Variants in HIRA observed in about 807,000 individuals in gnomAD.
HIRA encodes the protein histone cell cycle regulator, also known as protein HIRA.
In HIRA, 13 loss-of-function variants were observed where a neutral mutation model predicts 126.6. The ratio of observed to expected loss-of-function variants is 0.10; its 90% CI spans 0.07 to 0.16. The LOEUF is 0.16. HIRA is among the 10% of genes least tolerant of loss of function. The probability of loss-of-function intolerance (pLI) is 1.00; values close to 1 mark genes in which losing one functional copy is unlikely to be tolerated. For synonymous variants in HIRA, 511 were observed against 520.0 expected (o/e 0.98, Z 0.24); for missense variants, 834 against 1,314.4 (o/e 0.63, Z 5.65).
intron 1 of HIRA, among the ~76,000 whole-genome samples, chr22:19,431,134 T>C (rs2089533587): frequency 6.6e-6 from 1 of 152,200 alleles, no homozygotes; most frequent in African/African-American, 2.4e-5. Flanking sequence ...AGGCACTGGC[T>C]GGCACCAAGG....
chr22:19,400,560 C>T (rs74490893), intron 5 of HIRA, among the ~76,000 whole-genome samples: 1 of 152,326 alleles, frequency 6.6e-6, no homozygotes, highest in East Asian at 1.9e-4. Flanking sequence ...TTTAGAATCA[C>T]TGCTGAGTAA....
At chr22:19,400,995 C>A (rs185303783) in intron 5 of HIRA, among the ~76,000 whole-genome samples, 2 of 152,176 alleles carry the variant, frequency 1.3e-5, no homozygotes, top group African/African-American at 4.8e-5. Context: ...CCCCTCACCA[C>A]TTGCCAACCA....
chr22:19,344,469 A>T (rs1556008364), intron 24 of HIRA, among the ~76,000 whole-genome samples: 2 of 152,214 alleles, frequency 1.3e-5, no homozygotes, highest in Non-Finnish European at 1.5e-5. Context: ...AGAAATTAAA[A>T]ATCTGGACGG....
At position 19,392,229 on chromosome 22, in the gene HIRA, C is replaced by G; in HGVS notation, c.823-15G>C. The G allele has an allele frequency of 6.6e-7, 1 of 1,513,860 alleles. No individual in the cohort carries two copies. Among genetic ancestry groups the G allele is most frequent in the South Asian group, 1.1e-5 (1 of 88,532 alleles). The allele number at this position is 1,513,860 out of a possible 1,614,324, so 93.8% of individuals were successfully genotyped here. A position where few individuals can be genotyped will look rare whatever the true frequency, so the allele number is the denominator to read the frequency against. ...GGGTTGAATTTCTAAAGCCAAATAA[C>G]AGATGTTAAAAATAATTAATCAAGC... On this transcript the variant is annotated splice_polypyrimidine_tract_variant and intron_variant, in intron 8 of 24. Transcript: ENST00000263208.
chr22:19,372,061 A>T (rs2088971135), intron 15 of HIRA, among the ~76,000 whole-genome samples: 1 of 152,170 alleles, frequency 6.6e-6, no homozygotes, highest in African/African-American at 2.4e-5. Context: ...CAAAGGTGCT[A>T]AAAGACTTTA....
chr22:19,402,971 T>A (rs1372528306), intron 5 of HIRA, among the ~76,000 whole-genome samples: 1 of 151,686 alleles, frequency 6.6e-6, no homozygotes, highest in Non-Finnish European at 1.5e-5. Flanking sequence ...GGTATGGTGA[T>A]GTACATCTGT....
rs202083166 is a variant in HIRA at position 19,375,795 on chromosome 22, G to A, written c.1614-3C>T. 4,308 of 1,614,008 alleles carry A rather than the reference G, an allele frequency of 2.7e-3. 22 individuals carry two copies. Among genetic ancestry groups the A allele is most frequent in the Middle Eastern group, 6.4e-3 (39 of 6,060 alleles). Reference sequence around the variant, plus strand: ...CAGGAGTAGAGGTAGCATTCATACTGGGGTGAAGAAGAGGGGAGGCATGTC... The same window carrying A: ...CAGGAGTAGAGGTAGCATTCATACTAGGGTGAAGAAGAGGGGAGGCATGTC... On this transcript the variant is annotated splice_polypyrimidine_tract_variant and splice_region_variant and intron_variant, in intron 14 of 24. Coordinates refer to ENST00000263208, the MANE Select transcript of HIRA (RefSeq NM_003325.4).
chr22:19,424,760 A>G (rs1350040338), intron 1 of HIRA, among the ~76,000 whole-genome samples: 1 of 152,186 alleles, frequency 6.6e-6, no homozygotes, highest in Non-Finnish European at 1.5e-5. Context: ...CATCTCACTC[A>G]GCCTAAGTTT....
intron 13 of HIRA, among the ~76,000 whole-genome samples, chr22:19,379,353 G>A (rs867392867): frequency 2.1e-4 from 32 of 151,180 alleles, no homozygotes; most frequent in South Asian, 1.0e-3. Context: ...CCGGCCAGGC[G>A]CAGTGGCTCA....
chr22:19,397,903 C>A (rs2089236227), intron 6 of HIRA, 89 bp downstream of exon 6: 2 of 842,656 alleles, frequency 2.4e-6, no homozygotes, highest in Non-Finnish European at 2.0e-6. Context: ...CATCTGTTGC[C>A]ACCAAGACTA....
At chr22:19,411,996 G>C (rs913259279) in intron 1 of HIRA, among the ~76,000 whole-genome samples, 4 of 152,232 alleles carry the variant, frequency 2.6e-5, no homozygotes, top group African/African-American at 9.6e-5. Context: ...ATGAACTTGA[G>C]ATAAAATACA....
At chr22:19,346,408 C>T (rs1413178841) in intron 24 of HIRA, among the ~76,000 whole-genome samples, 8 of 152,210 alleles carry the variant, frequency 5.3e-5, no homozygotes, top group African/African-American at 1.9e-4. Flanking sequence ...AAGGCTCATG[C>T]TCACTCATCT....
intron 1 of HIRA, among the ~76,000 whole-genome samples, chr22:19,411,391 T>C (rs909889561): frequency 6.6e-6 from 1 of 152,222 alleles, no homozygotes; most frequent in East Asian, 1.9e-4. Flanking sequence ...GAGCCCAGTA[T>C]GGGCCTAGGC....
intron 11 of HIRA, among the ~76,000 whole-genome samples, chr22:19,387,281 T>C (rs1229888780): frequency 1.3e-5 from 2 of 152,248 alleles, no homozygotes; most frequent in Non-Finnish European, 2.9e-5. Flanking sequence ...TGAAGGGTTT[T>C]GTGCAATTTA....
In HIRA at chr22:19,385,533, T is replaced by C; in HGVS notation, c.1317A>G (p.Glu439=). ...GCAGGGCTCTCACCTTCCTGATATC[T>C]TCAAGACTCTCCCCGTTGACAACGC... is the stretch of plus-strand genomic sequence containing the variant. ...VAGVVNGESL[E]DIRKNLLKKQ... is the part of the protein sequence containing the mutation. The change falls in exon 12 of 25, where the codon GAA becomes GAG. Residue 439 remains glutamate, a synonymous_variant. Coordinates refer to ENST00000263208, the MANE Select transcript of HIRA (RefSeq NM_003325.4). The C allele has an allele frequency of 6.2e-7, 1 of 1,614,036 alleles. No homozygotes were observed. The highest frequency in any genetic ancestry group is 8.5e-7 in the Non-Finnish European group (1 of 1,180,012).
At chr22:19,431,337 G>C in intron 1 of HIRA, 103 bp downstream of exon 1, 1 of 1,304,624 alleles carries the variant, frequency 7.7e-7, no homozygotes, top group Non-Finnish European at 1.1e-6. Context: ...CCGGGTACCG[G>C]GCGTCAGGGG....
At chr22:19,403,931 T>C (rs2089288904) in intron 5 of HIRA, among the ~76,000 whole-genome samples, 1 of 152,208 alleles carries the variant, frequency 6.6e-6, no homozygotes, top group Admixed American at 6.5e-5. Flanking sequence ...CCTAATCCTA[T>C]GGTATCAATT....
At chr22:19,365,554 T>G (rs929475351) in intron 15 of HIRA, among the ~76,000 whole-genome samples, 31 of 152,226 alleles carry the variant, frequency 2.0e-4, no homozygotes, top group African/African-American at 7.0e-4. Context: ...CATGGTTTAC[T>G]GAATATTTGA....
intron 5 of HIRA, among the ~76,000 whole-genome samples, chr22:19,400,983 G>A (rs142746666): frequency 2.0e-5 from 3 of 152,072 alleles, no homozygotes; most frequent in Admixed American, 1.3e-4. Flanking sequence ...TGATGCTGCC[G>A]TCCCCTCACC....
Sources: allele counts gnomAD v4.1 joint callset (sites outside exome capture counted in the v4.1 genomes callset), GRCh38; gene constraint gnomAD v4.1.1; transcripts MANE v1.5; gene names NCBI Gene and HGNC (gene_info 2026-07-23, HGNC 2026-07-21).